IBTK: variants seen among roughly 807,000 people sequenced by gnomAD.
IBTK encodes the protein BTK-binding protein.
In IBTK, 83 loss-of-function variants were observed where a neutral mutation model predicts 154.9. The observed-to-expected ratio is 0.54, with a 90% CI of 0.45 to 0.64. The LOEUF is 0.64. Among genes scored for constraint, IBTK ranks in the 30% least tolerant of loss-of-function variants. IBTK has a pLI of 0.00. For synonymous variants in IBTK, 515 were observed against 536.1 expected (o/e 0.96, Z 0.54); for missense variants, 1,332 against 1,584.6 (o/e 0.84, Z 2.71).
At chr6:82,176,278 C>T (rs927892073) in intron 26 of IBTK, among the ~76,000 whole-genome samples, 1 of 151,814 alleles carries the variant, frequency 6.6e-6, no homozygotes, top group Non-Finnish European at 1.5e-5. Context: ...AATCCCAGCA[C>T]TTTGGGAGGC....
At chr6:82,204,296 C>CT (rs1445323051) in intron 17 of IBTK, among the ~76,000 whole-genome samples, 2 of 152,012 alleles carry the variant, frequency 1.3e-5, no homozygotes, top group Non-Finnish European at 1.5e-5. Flanking sequence ...GTTTTGACAA[C>CT]TGAATGAATT....
At chr6:82,194,687 C>CAGTAACT in intron 22 of IBTK, 45 bp from the exon 23 acceptor site, 1 of 1,331,092 alleles carries the variant, frequency 7.5e-7, no homozygotes, top group Non-Finnish European at 1.0e-6. Context: ...GCACCTAGAA[C>CAGTAACT]AGTAACTAAC....
chr6:82,190,288 A>G (rs917671661), intron 25 of IBTK, among the ~76,000 whole-genome samples: 1 of 152,200 alleles, frequency 6.6e-6, no homozygotes, highest in Non-Finnish European at 1.5e-5. Flanking sequence ...ATGTGGCCTT[A>G]GAAACATTGA....
At chr6:82,198,763 A>T (rs1769094120) in intron 21 of IBTK, among the ~76,000 whole-genome samples, 1 of 152,192 alleles carries the variant, frequency 6.6e-6, no homozygotes, top group Admixed American at 6.5e-5. Flanking sequence ...CTGTAGTCTC[A>T]TTATTTTATA....
Position 82,200,175 on chromosome 6 carries a change from G to A in IBTK, c.2991C>T (p.Asn997=). ...RKRSDSSGGY[N]LSDIIQSPSS... ...ATGGACTCTGAATAATATCTGAAAG[G>A]TTATAACCTCCAGAACTATCTGAAC... Residue 997 remains asparagine (N), a synonymous_variant, in exon 21 of 29, where the codon AAC becomes AAT. Transcript: ENST00000306270. 6.2e-7 allele frequency: 1 copy of A among 1,612,746 alleles called. No homozygotes were observed. The highest frequency in any genetic ancestry group is 8.5e-7 in the Non-Finnish European group (1 of 1,179,230).
Position 82,203,425 on chromosome 6 carries a change from C to T in IBTK, c.2612-780G>A, listed in dbSNP as rs192811283. 4.9e-4 allele frequency among the ~76,000 whole-genome samples: 74 copies of T among 152,250 alleles called. 1 individual carries two copies. Among genetic ancestry groups the T allele is most frequent in the African/African-American group, 1.7e-3 (69 of 41,562 alleles). ...GTTGTTTTCTACATCTGGCTTCTTG[C>T]ATTTCTTTTTCTTTCTCACCTGTGA... On this transcript the variant is annotated intron_variant, in intron 17 of 28. Transcript: ENST00000306270.
intron 3 of IBTK, among the ~76,000 whole-genome samples, chr6:82,233,800 A>G (rs1770612336): frequency 7.0e-6 from 1 of 141,856 alleles, no homozygotes; most frequent in Non-Finnish European, 1.5e-5. Context: ...TGCAACCTCC[A>G]CCTCCCAGGT....
intron 12 of IBTK, 27 bp downstream of exon 12, chr6:82,214,200 G>T: frequency 6.3e-7 from 1 of 1,580,502 alleles, no homozygotes; most frequent in South Asian, 1.2e-5. Context: ...ATGAGGTACA[G>T]GAACAGATAT....
Position 82,194,539 on chromosome 6 carries a change from G to A in IBTK, c.3278C>T (p.Pro1093Leu), listed in dbSNP as rs369193847. 6 of 1,610,292 alleles carry A rather than the reference G, an allele frequency of 3.7e-6. 1 individual carries two copies. The East Asian group carries it at 9.0e-5, about 24-fold the overall frequency. The change falls in exon 23 of 29, where the codon CCT becomes CTT. Residue 1093 changes from proline to leucine, a missense_variant. By Grantham distance (98) the Pro-to-Leu change is moderately conservative. This residue lies in a region of IBTK where 1,134 missense variants were observed against 1,274.7 expected (regional missense o/e 0.89). Transcript: ENST00000306270. ...SPILKISAPQ[P>L]IPSNRIDTTS... ...AGTATCAATTCTGTTACTGGGAATA[G>A]GCTGTGGAGCAGATATTTTAAGTAT...
At chr6:82,193,763 C>T (rs9294247) in intron 23 of IBTK, among the ~76,000 whole-genome samples, 25,596 of 152,022 alleles carry the variant, frequency 0.17, 2,202 homozygotes, top group Non-Finnish European at 0.18. Context: ...CTCACTGTAA[C>T]CTCCGCCTCC....
Position 82,208,873 on chromosome 6 carries a change from A to G in IBTK, c.2509+1941T>C, listed in dbSNP as rs563596794. 1.6e-4 allele frequency among the ~76,000 whole-genome samples: 24 copies of G among 152,334 alleles called. No homozygotes were observed. In the South Asian group the frequency reaches 4.3e-3, roughly 28 times the overall value. ...AGGGACTAATATCCAGAATATATAA[A>G]GAACTCTTGCAACATTATAAAAAAA... On this transcript the variant is annotated intron_variant, in intron 16 of 28. Coordinates refer to ENST00000306270, the MANE Select transcript of IBTK (RefSeq NM_015525.4).
chr6:82,210,023 G>A (rs796692450), intron 16 of IBTK, among the ~76,000 whole-genome samples: 6 of 152,010 alleles, frequency 3.9e-5, no homozygotes, highest in African/African-American at 1.4e-4. Flanking sequence ...ATACAGCTGG[G>A]GTTAAAAAAA....
At chr6:82,202,752 G>A in intron 17 of IBTK, 107 bp from the exon 18 acceptor site, 1 of 634,912 alleles carries the variant, frequency 1.6e-6, no homozygotes, top group South Asian at 2.7e-5. Context: ...TTGGAATAAA[G>A]AAAAAAAAGT....
At chr6:82,206,975 TC>T (rs1315359119) in intron 16 of IBTK, among the ~76,000 whole-genome samples, 1 of 152,068 alleles carries the variant, frequency 6.6e-6, no homozygotes, top group Non-Finnish European at 1.5e-5. Flanking sequence ...ACAAGTAACA[TC>T]CTAATTAATG....
intron 25 of IBTK, among the ~76,000 whole-genome samples, chr6:82,182,789 T>G (rs919474684): frequency 3.9e-5 from 6 of 152,212 alleles, no homozygotes; most frequent in Non-Finnish European, 7.3e-5. Context: ...AGTAGCTTGT[T>G]ATTTGAAACA....
chr6:82,224,237 C>T, intron 6 of IBTK, 52 bp from the exon 7 acceptor site: 7 of 1,295,126 alleles, frequency 5.4e-6, no homozygotes, highest in African/African-American at 1.5e-5. Flanking sequence ...TGACCTAGTA[C>T]AATTTTTTAA....
intron 9 of IBTK, 90 bp downstream of exon 9, chr6:82,220,500 A>C (rs1770055963): frequency 9.1e-6 from 12 of 1,312,540 alleles, no homozygotes; most frequent in Non-Finnish European, 1.2e-5. Context: ...AGGAATTGTC[A>C]CTAACATAGC....
chr6:82,215,475 G>T (rs1769831911), intron 11 of IBTK, among the ~76,000 whole-genome samples: 1 of 151,954 alleles, frequency 6.6e-6, no homozygotes, highest in South Asian at 2.1e-4. Flanking sequence ...GAGAACCCAG[G>T]GTACATCATA....
chr6:82,189,753 G>T (rs905153519), intron 25 of IBTK, among the ~76,000 whole-genome samples: 1 of 152,284 alleles, frequency 6.6e-6, no homozygotes, highest in African/African-American at 2.4e-5. Context: ...TTTTGCTTAA[G>T]GAAAATGATT....
Sources: gnomAD v4.1 joint callset for allele counts (sites outside exome capture counted in the v4.1 genomes callset) on GRCh38, gnomAD v4.1.1 for gene constraint, gnomAD v4.1.1 regional missense constraint, MANE v1.5 for transcripts, NCBI Gene and HGNC (gene_info 2026-07-23, HGNC 2026-07-21) for gene names.